Variants in COCH observed in about 807,000 individuals in gnomAD.
The protein encoded by COCH is cochlin.
Under a neutral mutation model 54.8 loss-of-function variants are expected in COCH, and 40 were observed. That is an observed-to-expected ratio of 0.73 (90% CI 0.57 to 0.95). The LOEUF is 0.95. Among genes scored for constraint, COCH ranks in the 40% least tolerant of loss-of-function variants. COCH has a pLI of 0.00. For synonymous variants in COCH, 256 were observed against 237.9 expected (o/e 1.08, Z -0.70); for missense variants, 605 against 675.0 (o/e 0.90, Z 1.15).
At chr14:30,895,528 T>C, downstream of COCH, 1 of 1,614,168 alleles carries the variant, frequency 6.2e-7, no homozygotes, top group Non-Finnish European at 8.5e-7. Context: ...CTGTTATTTC[T>C]TGCACACATG....
Position 30,878,901 on chromosome 14 carries a change from G to A in COCH, c.330G>A (p.Gln110=). The A allele has an allele frequency of 6.2e-7, 1 of 1,614,130 alleles. No individual in the cohort carries two copies. Among genetic ancestry groups the A allele is most frequent in the Admixed American group, 1.7e-5 (1 of 60,024 alleles). Reference sequence around the variant, plus strand: ...CCTCAGTAGATGCCAATGGCATCCAGTCTCAAATGCTTTCTAGATGGTCTG... The same window carrying A: ...CCTCAGTAGATGCCAATGGCATCCAATCTCAAATGCTTTCTAGATGGTCTG... ...NYSSVDANGI[Q]SQMLSRWSAS... is the part of the protein sequence containing the mutation. The change falls in exon 5 of 12, where the codon CAG becomes CAA. Residue 110 remains glutamine (Q), a synonymous_variant. Coordinates refer to ENST00000396618, the MANE Select transcript of COCH (RefSeq NM_004086.3).
chr14:30,877,448 A>T lies in COCH; in HGVS notation c.83-124A>T. 4.0e-6 allele frequency: 5 copies of T among 1,252,374 alleles called. No homozygotes were observed. Among genetic ancestry groups the T allele is most frequent in the Non-Finnish European group, 5.6e-6 (5 of 890,942 alleles). The allele number at this position is 1,252,374 out of a possible 1,614,324, so 77.6% of individuals were successfully genotyped here. A position where few individuals can be genotyped will look rare whatever the true frequency, so the allele number is the denominator to read the frequency against. On this transcript the variant is annotated intron_variant, in intron 3 of 11. Coordinates refer to ENST00000396618, the MANE Select transcript of COCH (RefSeq NM_004086.3). This position sits in a 1 kb window ranked among gnomAD's most constrained non-coding sequence, Gnocchi z 8.6. ...AATGGTATGGAAGGGTATATAAGTC[A>T]ATAGTCATAACTAGAAGTGTAGAAA...
intron 4 of COCH, among the ~76,000 whole-genome samples, chr14:30,878,482 C>A (rs1373993579): frequency 6.6e-6 from 1 of 152,034 alleles, no homozygotes; most frequent in Non-Finnish European, 1.5e-5. Flanking sequence ...CATGGTGAAA[C>A]CCTGTCTCTA....
rs773114700 is a variant in COCH at position 30,880,745 on chromosome 14, T to G, written c.629+11T>G. ...CCTTGTTCAAGCCAGGTACCAACCT[T>G]GTTAAAATGGGAGATTTAAAAAAAA... On this transcript the variant is annotated intron_variant, in intron 8 of 11. Coordinates refer to ENST00000396618, the MANE Select transcript of COCH (RefSeq NM_004086.3). 22 of 1,605,310 alleles carry G rather than the reference T, an allele frequency of 1.4e-5. No individual in the cohort carries two copies. In the Admixed American group the frequency reaches 3.5e-4, roughly 26 times the overall value.
chr14:30,879,476 C>A lies in COCH; in HGVS notation c.427C>A (p.Pro143Thr). 6.2e-7 allele frequency: 1 copy of A among 1,614,052 alleles called. No individual in the cohort carries two copies. The highest frequency in any genetic ancestry group is 8.5e-7 in the Non-Finnish European group (1 of 1,179,962). ...AGGACAAGCAGTGTCCACAGCACAT[C>A]CACCAACAGGTATGAACTATGAAAC... ...ATGQAVSTAH[P>T]PTGKRLKKTP... The change falls in exon 6 of 12, where the codon CCA becomes ACA. Residue 143 changes from proline to threonine, a missense_variant. Coordinates refer to ENST00000396618, the MANE Select transcript of COCH (RefSeq NM_004086.3).
chr14:30,884,377 C>T (rs1039063860), intron 8 of COCH, 176 bp from the exon 9 acceptor site: 14 of 600,110 alleles, frequency 2.3e-5, no homozygotes, highest in Non-Finnish European at 3.8e-5. Flanking sequence ...TGTTACACCT[C>T]TGAAATATCT....
chr14:30,893,147 CAATTT>C (rs1896029868), downstream of COCH, among the ~76,000 whole-genome samples: 1 of 92,056 alleles, frequency 1.1e-5, no homozygotes, highest in Non-Finnish European at 2.6e-5. Context: ...GCAAAAACCA[CAATTT>C]TTTTTTTTTT....
intron 6 of COCH, 113 bp from the exon 7 acceptor site, chr14:30,880,339 T>A (rs912724251): frequency 2.9e-5 from 43 of 1,495,162 alleles, no homozygotes; most frequent in South Asian, 6.2e-5. Context: ...TTAATTTTTT[T>A]AAAAAAGTCC....
chr14:30,876,168 A>G (rs1392563337), intron 3 of COCH: 2 of 152,252 alleles, frequency 1.3e-5, no homozygotes, highest in East Asian at 1.9e-4. Context: ...AAAGGTTTGG[A>G]TAACTACAAC....
chr14:30,878,990 C>CA (rs770726709), intron 5 of COCH, 46 bp downstream of exon 5: 7 of 1,610,030 alleles, frequency 4.3e-6, no homozygotes, highest in African/African-American at 4.0e-5. Context: ...TCCCACCCCC[C>CA]AAACGTTTTC....
chr14:30,887,422 T>A (rs960385854), intron 11 of COCH, among the ~76,000 whole-genome samples: 2 of 151,168 alleles, frequency 1.3e-5, no homozygotes, highest in Admixed American at 6.6e-5. Context: ...AAAAAAAAAC[T>A]TTTTCCCCCC....
At position 30,880,572 on chromosome 14, in the gene COCH, T is replaced by A. The variant is rs756414925; in HGVS notation, c.482-15T>A. ...TTGAGACTGCTAATGAGGGGACTGG[T>A]TTGGTTGTTCGCAGATTGTAAAGCA... On this transcript the variant is annotated splice_polypyrimidine_tract_variant and intron_variant, in intron 7 of 11. Transcript: ENST00000396618. 4.3e-6 allele frequency: 7 copies of A among 1,613,956 alleles called. No homozygotes were observed. The highest frequency in any genetic ancestry group is 5.1e-6 in the Non-Finnish European group (6 of 1,179,996).
chr14:30,875,282 C>A, intron 3 of COCH, 179 bp downstream of exon 3: 1 of 879,802 alleles, frequency 1.1e-6, no homozygotes. Flanking sequence ...TGCTCCTGCT[C>A]ACCTGTTTCT....
At position 30,884,590 on chromosome 14, in the gene COCH, A is replaced by G; in HGVS notation, c.667A>G (p.Thr223Ala). Residue 223 changes from threonine to alanine, a missense_variant, in exon 9 of 12, where the codon ACA (threonine) becomes GCA (alanine). Physicochemically the swap from Thr to Ala is moderately conservative, Grantham distance 58 (BLOSUM62 0). Transcript: ENST00000396618. ...PKIEFYLKNF[T>A]SAKDVLFAIK... ...AATAGAATTTTACTTGAAAAACTTT[A>G]CATCAGCCAAAGATGTTTTGTTTGC... is the stretch of plus-strand genomic sequence containing the variant. 1 of 1,613,782 alleles carries G rather than the reference A, an allele frequency of 6.2e-7. No individual in the cohort carries two copies. The highest frequency in any genetic ancestry group is 8.5e-7 in the Non-Finnish European group (1 of 1,179,746).
rs910592759 is a variant in COCH at position 30,890,139 on chromosome 14, A to G, written c.*348A>G. On this transcript the variant is annotated 3_prime_UTR_variant, in exon 12 of 12. Coordinates refer to ENST00000396618, the MANE Select transcript of COCH (RefSeq NM_004086.3). ...AAAAGAATCTGATACTTAGACCAAA[A>G]GCAACATTCGTTCTCTAACCATTCT... 1 of 1,012,312 alleles carries G rather than the reference A, an allele frequency of 9.9e-7. No homozygotes were observed. The highest frequency in any genetic ancestry group is 5.0e-4 in the Middle Eastern group (1 of 2,006). 62.7% of individuals were successfully genotyped at this position (1,012,312 alleles called of 1,614,324 possible). A position where few individuals can be genotyped will look rare whatever the true frequency, so the allele number is the denominator to read the frequency against.
downstream of COCH, chr14:30,895,503 A>G (rs756114429): frequency 5.6e-6 from 9 of 1,613,938 alleles, no homozygotes; most frequent in Non-Finnish European, 7.6e-6. Context: ...GATTCATCCA[A>G]TTTCTTTCTG....
rs748717597 is a variant in COCH at position 30,881,803 on chromosome 14, A to C, written c.629+1069A>C. ...GAAACCCCGTCTCTACTAAAAATAC[A>C]AAAAAAAAAAATTAGCCGGGCGTGG... On this transcript the variant is annotated intron_variant, in intron 8 of 11. Coordinates refer to ENST00000396618, the MANE Select transcript of COCH (RefSeq NM_004086.3). Among the ~76,000 whole-genome samples the C allele has an allele frequency of 9.2e-4, 71 of 77,312 alleles. No homozygotes were observed. The Middle Eastern group carries it at 0.038, about 42-fold the overall frequency. 50.7% of individuals were successfully genotyped at this position (77,312 alleles called of 152,430 possible).
chr14:30,892,404 ATTCT>A (rs544353167), downstream of COCH, among the ~76,000 whole-genome samples: 21 of 152,312 alleles, frequency 1.4e-4, no homozygotes, highest in Admixed American at 5.9e-4. Context: ...GGAAAAGCTT[ATTCT>A]TTATTTCAAA....
At position 30,880,477 on chromosome 14, in the gene COCH, G is replaced by A. The variant is rs774069829; in HGVS notation, c.462G>A (p.Glu154=). The A allele has an allele frequency of 3.6e-5, 58 of 1,613,998 alleles. No individual in the cohort carries two copies. Among genetic ancestry groups the A allele is most frequent in the Non-Finnish European group, 4.7e-5 (56 of 1,180,036 alleles). ...GTAAACGACTAAAGAAAACACCCGA[G>A]AAGAAAACTGGCAATAAAGGTAAGA... is the stretch of plus-strand genomic sequence containing the variant. ...PTGKRLKKTP[E]KKTGNKDCKA... is the part of the protein sequence containing the mutation. The change falls in exon 7 of 12, where the codon GAG becomes GAA. Residue 154 remains glutamate, a synonymous_variant. Coordinates refer to ENST00000396618, the MANE Select transcript of COCH (RefSeq NM_004086.3).
Sources: gnomAD v4.1 joint callset for allele counts (sites outside exome capture counted in the v4.1 genomes callset) on GRCh38, gnomAD v4.1.1 for gene constraint, Gnocchi (gnomAD v3.1) non-coding constraint, MANE v1.5 for transcripts, NCBI Gene and HGNC (gene_info 2026-07-23, HGNC 2026-07-21) for gene names.